TACR3: variants seen among roughly 807,000 people sequenced by gnomAD.
TACR3 encodes the protein neuromedin-K receptor.
TACR3 carries 34 observed loss-of-function variants against 35.0 expected under a neutral mutation model. The ratio of observed to expected loss-of-function variants is 0.97; its 90% CI spans 0.74 to 1.30. TACR3 has a LOEUF of 1.30. TACR3 is among the 50% of genes most tolerant of loss of function. TACR3 has a pLI of 0.00. For synonymous variants in TACR3, 233 were observed against 221.1 expected (o/e 1.05, Z -0.48); for missense variants, 558 against 591.7 (o/e 0.94, Z 0.59).
intron 1 of TACR3, among the ~76,000 whole-genome samples, chr4:103,661,615 G>T (rs543618008): frequency 2.6e-4 from 39 of 152,218 alleles, no homozygotes; most frequent in African/African-American, 8.2e-4. Flanking sequence ...ATTGCAAATC[G>T]CATTGATTCT....
chr4:103,593,105 A>G (rs1302677245), intron 3 of TACR3, among the ~76,000 whole-genome samples: 1 of 152,190 alleles, frequency 6.6e-6, no homozygotes, highest in South Asian at 2.1e-4. Context: ...TTTCCTATTC[A>G]TAATTCATAT....
chr4:103,622,811 C>T (rs537972213), intron 3 of TACR3, among the ~76,000 whole-genome samples: 3 of 152,192 alleles, frequency 2.0e-5, no homozygotes, highest in South Asian at 2.1e-4. Context: ...AACTGCATTG[C>T]TGTGGAGTTA....
At chr4:103,664,968 G>GTT (rs76055571) in intron 1 of TACR3, among the ~76,000 whole-genome samples, 8 of 142,688 alleles carry the variant, frequency 5.6e-5, no homozygotes, top group Non-Finnish European at 9.2e-5. Flanking sequence ...TGCCTGGCTA[G>GTT]TTTTTTTTTT....
intron 1 of TACR3, among the ~76,000 whole-genome samples, chr4:103,658,788 G>A (rs548769784): frequency 1.3e-5 from 2 of 152,280 alleles, no homozygotes; most frequent in African/African-American, 2.4e-5. Flanking sequence ...CTGGCAGTGG[G>A]TGAGGGAGCG....
chr4:103,719,628 G>A lies in TACR3; in HGVS notation c.48C>T (p.Gly16=), dbSNP rs772148073. 1 of 1,613,706 alleles carries A rather than the reference G, an allele frequency of 6.2e-7. No individual in the cohort carries two copies. The highest frequency in any genetic ancestry group is 8.5e-7 in the Non-Finnish European group (1 of 1,179,994). Residue 16 remains glycine (G), a synonymous_variant, in exon 1 of 5, where the codon GGC becomes GGT. Coordinates refer to ENST00000304883, the MANE Select transcript of TACR3 (RefSeq NM_001059.3). ...AAETWIDGGG[G]VGADAVNLTA... Reference sequence around the variant, plus strand: ...TCAGGTTCACGGCGTCTGCACCCACGCCTCCACCCCCGTCTATCCAGGTTT... The same window carrying A: ...TCAGGTTCACGGCGTCTGCACCCACACCTCCACCCCCGTCTATCCAGGTTT...
intron 1 of TACR3, among the ~76,000 whole-genome samples, chr4:103,700,815 A>G (rs1287737621): frequency 1.3e-5 from 2 of 152,216 alleles, no homozygotes; most frequent in Non-Finnish European, 2.9e-5. Flanking sequence ...GATTATCTCA[A>G]TAGATGCAGA....
chr4:103,708,243 G>A (rs924818099), intron 1 of TACR3, among the ~76,000 whole-genome samples: 1 of 152,170 alleles, frequency 6.6e-6, no homozygotes, highest in African/African-American at 2.4e-5. Flanking sequence ...TAAATGGGAG[G>A]TACCCCTCCA....
At chr4:103,659,050 T>C (rs1414511626) in intron 1 of TACR3, among the ~76,000 whole-genome samples, 2 of 152,114 alleles carry the variant, frequency 1.3e-5, no homozygotes, top group African/African-American at 4.8e-5. Context: ...CACAATAAGG[T>C]TGGCTTTCTA....
chr4:103,667,700 T>G (rs974546625), intron 1 of TACR3, among the ~76,000 whole-genome samples: 2 of 152,216 alleles, frequency 1.3e-5, no homozygotes, highest in African/African-American at 2.4e-5. Flanking sequence ...GTAAGAAATC[T>G]GCACTTATAA....
intron 2 of TACR3, 50 bp downstream of exon 2, chr4:103,658,165 C>A (rs1409904864): frequency 2.5e-6 from 4 of 1,575,670 alleles, no homozygotes; most frequent in Non-Finnish European, 3.5e-6. Flanking sequence ...CTGTAGTTTC[C>A]TAAATGTTTG....
chr4:103,602,799 A>G (rs755136621), intron 3 of TACR3, among the ~76,000 whole-genome samples: 4 of 152,146 alleles, frequency 2.6e-5, no homozygotes, highest in Admixed American at 2.0e-4. Context: ...GTCCAGCCCT[A>G]CTGGAGGGTG....
Position 103,660,110 on chromosome 4 carries a change from T to C in TACR3, c.549-1707A>G, listed in dbSNP as rs140399274. ...TATTTTATCAATATGTTTATAAATC[T>C]TTGTTGTTGTAACTACTGGGCAGAA... On this transcript the variant is annotated intron_variant, in intron 1 of 4. Coordinates refer to ENST00000304883, the MANE Select transcript of TACR3 (RefSeq NM_001059.3). 3.0e-3 allele frequency among the ~76,000 whole-genome samples: 461 copies of C among 152,172 alleles called. 7 individuals carry two copies. Among genetic ancestry groups the C allele is most frequent in the East Asian group, 0.026 (136 of 5,184 alleles).
chr4:103,675,463 T>C (rs1305784916), intron 1 of TACR3, among the ~76,000 whole-genome samples: 3 of 152,166 alleles, frequency 2.0e-5, no homozygotes, highest in African/African-American at 7.2e-5. Context: ...TGCAAGAATG[T>C]GCAAACTGAA....
intron 3 of TACR3, among the ~76,000 whole-genome samples, chr4:103,625,127 ATCCTCAGTAAATTTACATTT>A (rs894278253): frequency 4.6e-5 from 7 of 152,188 alleles, no homozygotes; most frequent in Admixed American, 1.3e-4. Context: ...CATCTACAAA[ATCCTCAGTAAATTTACATTT>A]TTCATTAAGG....
At chr4:103,667,775 A>G (rs373434320) in intron 1 of TACR3, among the ~76,000 whole-genome samples, 9 of 152,276 alleles carry the variant, frequency 5.9e-5, no homozygotes, top group African/African-American at 1.9e-4. Context: ...TATTAAAACA[A>G]CTTTATTGAG....
At chr4:103,608,919 A>C (rs187647481) in intron 3 of TACR3, among the ~76,000 whole-genome samples, 1 of 152,278 alleles carries the variant, frequency 6.6e-6, no homozygotes, top group East Asian at 1.9e-4. Flanking sequence ...GGTAGCACAT[A>C]GAACATTCTG....
rs566797573 is a variant in TACR3 at position 103,670,493 on chromosome 4, T to G, written c.549-12090A>C. Among the ~76,000 whole-genome samples the G allele has an allele frequency of 3.4e-4, 51 of 152,118 alleles. 1 individual carries two copies. The South Asian group carries it at 0.01, about 31-fold the overall frequency. On this transcript the variant is annotated intron_variant, in intron 1 of 4. Transcript: ENST00000304883. ...AAATATCTTCCCATTTTTGGTGTCC[T>G]CTTCAGTTTCTTTCATCAATATAGA...
intron 1 of TACR3, among the ~76,000 whole-genome samples, chr4:103,680,060 A>G (rs568312755): frequency 3.3e-5 from 5 of 152,014 alleles, no homozygotes; most frequent in South Asian, 2.1e-4. Context: ...TTATGCCTCA[A>G]ATTATACTGT....
intron 3 of TACR3, among the ~76,000 whole-genome samples, chr4:103,601,829 C>T (rs991249473): frequency 6.6e-6 from 1 of 152,166 alleles, no homozygotes; most frequent in African/African-American, 2.4e-5. Flanking sequence ...TTTTTTCCTT[C>T]ATTTCCACTT....
Sources: gnomAD v4.1 joint callset for allele counts (sites outside exome capture counted in the v4.1 genomes callset) on GRCh38, gnomAD v4.1.1 for gene constraint, MANE v1.5 for transcripts, NCBI Gene and HGNC (gene_info 2026-07-23, HGNC 2026-07-21) for gene names.